The following MTHFD2L variants were observed in gnomAD, a reference collection of about 807,000 sequenced individuals.
MTHFD2L encodes the protein methylenetetrahydrofolate dehydrogenase (NADP+ dependent) 2 like, also known as bifunctional methylenetetrahydrofolate dehydrogenase/cyclohydrolase 2, mitochondrial.
A neutral mutation model predicts 34.9 loss-of-function variants in MTHFD2L; 29 were observed. That is an observed-to-expected ratio of 0.83 (90% CI 0.62 to 1.13). The LOEUF is 1.13. MTHFD2L is among the 50% of genes most tolerant of loss of function. The probability of loss-of-function intolerance (pLI) is 0.00; values close to 1 mark genes in which losing one functional copy is unlikely to be tolerated. For missense variants in MTHFD2L, 481 were observed against 446.5 expected, an observed-to-expected ratio of 1.08 and a Z score of -0.70; for synonymous variants, 167 against 155.7, an observed-to-expected ratio of 1.07 and a Z score of -0.54.
chr4:74,272,286 G>A (rs1008804213), intron 6 of MTHFD2L, among the ~76,000 whole-genome samples: 1 of 152,096 alleles, frequency 6.6e-6, no homozygotes, highest in Non-Finnish European at 1.5e-5. Context: ...GGAATGTTTA[G>A]GAGTTATTGG....
intron 6 of MTHFD2L, 62 bp downstream of exon 6, chr4:74,225,456 T>A: frequency 7.4e-7 from 1 of 1,347,966 alleles, no homozygotes. Flanking sequence ...CTGCCCTAAA[T>A]GCTGACATGT....
chr4:74,287,057 G>T (rs1349563166), intron 7 of MTHFD2L, among the ~76,000 whole-genome samples: 1 of 152,096 alleles, frequency 6.6e-6, no homozygotes, highest in Non-Finnish European at 1.5e-5. Context: ...CTTTGTAAAG[G>T]TGATAAGTCT....
intron 6 of MTHFD2L, chr4:74,268,180 G>GT: frequency 1.0e-6 from 1 of 982,624 alleles, no homozygotes; most frequent in South Asian, 4.7e-5. Flanking sequence ...AGACACTGAG[G>GT]TTTTTGTATT....
intron 5 of MTHFD2L, among the ~76,000 whole-genome samples, chr4:74,218,738 C>T (rs1044619829): frequency 4.0e-5 from 6 of 151,894 alleles, no homozygotes; most frequent in Non-Finnish European, 8.8e-5. Flanking sequence ...GTGCTAATGA[C>T]TAACAACTGT....
At chr4:74,131,250 G>A (rs1722473164) in intron 1 of MTHFD2L, among the ~76,000 whole-genome samples, 1 of 152,022 alleles carries the variant, frequency 6.6e-6, no homozygotes, top group Admixed American at 6.5e-5. Flanking sequence ...ATTTCATGTG[G>A]AAACAAAAAA....
At chr4:74,233,120 T>A (rs1190023761) in intron 6 of MTHFD2L, among the ~76,000 whole-genome samples, 1 of 152,164 alleles carries the variant, frequency 6.6e-6, no homozygotes. Context: ...TAAAGCATAT[T>A]TCATACCTTA....
intron 6 of MTHFD2L, among the ~76,000 whole-genome samples, chr4:74,238,202 ACT>A (rs1468012123): frequency 6.6e-6 from 1 of 151,930 alleles, no homozygotes; most frequent in Non-Finnish European, 1.5e-5. Context: ...TACTATGGAG[ACT>A]CTGACGGAGC....
chr4:74,217,211 G>A (rs958298674), intron 5 of MTHFD2L, among the ~76,000 whole-genome samples: 1 of 151,686 alleles, frequency 6.6e-6, no homozygotes, highest in Non-Finnish European at 1.5e-5. Context: ...CTTACATAAT[G>A]TATTTCCTCA....
At chr4:74,226,240 C>T (rs1254826309) in intron 6 of MTHFD2L, among the ~76,000 whole-genome samples, 1 of 151,818 alleles carries the variant, frequency 6.6e-6, no homozygotes. Context: ...ATAAATTAAA[C>T]AACATAGCTA....
intron 1 of MTHFD2L, among the ~76,000 whole-genome samples, chr4:74,144,655 T>G (rs1017839075): frequency 5.3e-5 from 8 of 152,200 alleles, no homozygotes; most frequent in Non-Finnish European, 1.2e-4. Context: ...CTTCCAAAAA[T>G]TTTTTGGTTT....
chr4:74,242,103 A>G (rs1489547362), intron 6 of MTHFD2L: 2 of 152,198 alleles, frequency 1.3e-5, no homozygotes, highest in Non-Finnish European at 2.9e-5. Context: ...GCAAGATATT[A>G]TCATTGTATA....
At chr4:74,164,539 C>G (rs1253157264) in intron 1 of MTHFD2L, among the ~76,000 whole-genome samples, 5 of 152,212 alleles carry the variant, frequency 3.3e-5, no homozygotes, top group African/African-American at 1.2e-4. Flanking sequence ...CGAAATATGT[C>G]TCCATCTGTA....
intron 6 of MTHFD2L, chr4:74,267,988 T>C (rs555508613): frequency 3.6e-5 from 35 of 985,276 alleles, no homozygotes; most frequent in Admixed American, 1.8e-4. Flanking sequence ...CATTCAGATA[T>C]TGTCCTTGGC....
intron 1 of MTHFD2L, among the ~76,000 whole-genome samples, chr4:74,171,696 T>C (rs1728029443): frequency 6.6e-6 from 1 of 152,064 alleles, no homozygotes; most frequent in Non-Finnish European, 1.5e-5. Flanking sequence ...CCAGCTACTC[T>C]GGAGGCTGAG....
At chr4:74,287,299 G>T (rs1035172008) in intron 7 of MTHFD2L, among the ~76,000 whole-genome samples, 1 of 152,052 alleles carries the variant, frequency 6.6e-6, no homozygotes, top group Non-Finnish European at 1.5e-5. Flanking sequence ...CTGAAATTCT[G>T]GTTTGTGGTT....
intron 1 of MTHFD2L, chr4:74,143,299 G>A (rs551999269): frequency 4.2e-6 from 2 of 473,296 alleles, no homozygotes; most frequent in Non-Finnish European, 5.5e-6. Context: ...TAGAATTTGA[G>A]TGTAGAATGG....
upstream of MTHFD2L, among the ~76,000 whole-genome samples, chr4:74,119,000 C>G (rs931197725): frequency 6.6e-5 from 10 of 152,166 alleles, no homozygotes; most frequent in Non-Finnish European, 1.5e-4. Context: ...GTTGCAAACA[C>G]AGATTAACAT....
chr4:74,254,068 A>G lies in MTHFD2L; in HGVS notation c.806-27357A>G, dbSNP rs926638854. On this transcript the variant is annotated intron_variant, in intron 6 of 7. Transcript: ENST00000325278. ...ACCAGGACTGCCTTACAGAAAACCAATAAATGCATTTGGGGACGTCTAGAA... is the reference window on the plus strand; with the variant it reads ...ACCAGGACTGCCTTACAGAAAACCAGTAAATGCATTTGGGGACGTCTAGAA... 3.9e-5 allele frequency among the ~76,000 whole-genome samples: 6 copies of G among 152,194 alleles called. No individual in the cohort carries two copies. In the South Asian group the frequency reaches 6.2e-4, roughly 16 times the overall value.
intron 1 of MTHFD2L, among the ~76,000 whole-genome samples, chr4:74,148,135 G>T (rs916751979): frequency 2.6e-5 from 4 of 151,880 alleles, no homozygotes; most frequent in Non-Finnish European, 5.9e-5. Context: ...TTTCCACATC[G>T]AATGATATTG....
Sources: gnomAD v4.1 joint callset for allele counts (sites outside exome capture counted in the v4.1 genomes callset) on GRCh38, gnomAD v4.1.1 for gene constraint, MANE v1.5 for transcripts, NCBI Gene and HGNC (gene_info 2026-07-23, HGNC 2026-07-21) for gene names.